DMD: variants seen among roughly 807,000 people sequenced by gnomAD.
DMD encodes the protein mutant dystrophin.
DMD carries 63 observed loss-of-function variants against 330.1 expected under a neutral mutation model. That is an observed-to-expected ratio of 0.19 (90% CI 0.16 to 0.24). DMD has a LOEUF of 0.24. Ranked by LOEUF, DMD falls within the 10% of genes least tolerant of loss-of-function variation. The probability of loss-of-function intolerance (pLI) is 1.00; values close to 1 mark genes in which losing one functional copy is unlikely to be tolerated. For missense variants in DMD, 3,344 were observed against 2,684.1 expected, an observed-to-expected ratio of 1.25 and a Z score of -5.43; for synonymous variants, 1,223 against 959.8, an observed-to-expected ratio of 1.27 and a Z score of -5.07.
At chrX:32,663,590 CA>C (rs1484924325) in intron 9 of DMD, among the ~76,000 whole-genome samples, 1 of 111,276 alleles carries the variant, frequency 9.0e-6, no homozygotes, top group Non-Finnish European at 1.9e-5. Context: ...GTTGCTTTAA[CA>C]AATATTTATT....
chrX:33,000,073 TA>T (rs1360707484), intron 2 of DMD, among the ~76,000 whole-genome samples: 2 of 112,470 alleles, frequency 1.8e-5, no homozygotes, highest in African/African-American at 6.5e-5. Flanking sequence ...CATATCAGTT[TA>T]TAAGCTAGAC....
Position 33,005,895 on chromosome X carries a change from G to A in DMD, c.93+14244C>T, listed in dbSNP as rs934908127. On this transcript the variant is annotated intron_variant, in intron 2 of 78. Transcript: ENST00000357033. ...ATAACCCTGGAAATAATAAGCAATT[G>A]TAGCAAAGTTGCAGGACACAAGATT... is the stretch of plus-strand genomic sequence containing the variant. 3.6e-5 allele frequency among the ~76,000 whole-genome samples: 4 copies of A among 111,269 alleles called. No homozygotes were observed. In the South Asian group the frequency reaches 1.1e-3, roughly 31 times the overall value.
At chrX:31,646,728 C>T (rs942664988) in intron 54 of DMD, among the ~76,000 whole-genome samples, 1 of 112,065 alleles carries the variant, frequency 8.9e-6, no homozygotes, top group Non-Finnish European at 1.9e-5. Flanking sequence ...ACCATTAACT[C>T]TCTAGTATTG....
intron 48 of DMD, 49 bp from the exon 49 acceptor site, chrX:31,836,868 A>G: frequency 9.5e-7 from 1 of 1,047,421 alleles, no homozygotes; most frequent in Non-Finnish European, 1.3e-6. Flanking sequence ...AGTTAGCAAT[A>G]AAATTACTAA....
chrX:32,239,398 A>AG, intron 43 of DMD, among the ~76,000 whole-genome samples: 1 of 111,897 alleles, frequency 8.9e-6, no homozygotes, highest in South Asian at 3.7e-4. Flanking sequence ...AGCAAAATCG[A>AG]GGGGAAAGTA....
intron 68 of DMD, among the ~76,000 whole-genome samples, chrX:31,182,420 C>T (rs2041254407): frequency 8.9e-6 from 1 of 111,779 alleles, no homozygotes; most frequent in African/African-American, 3.3e-5. Flanking sequence ...TGTTTTGGTT[C>T]CAGGAAGGAG....
chrX:31,342,428 C>T (rs1006954155), intron 61 of DMD, among the ~76,000 whole-genome samples: 1 of 111,725 alleles, frequency 9.0e-6, no homozygotes, highest in South Asian at 3.8e-4. Flanking sequence ...CTATAGACTC[C>T]TTATCCTCTT....
chrX:31,177,299 A>G (rs1011365988), intron 71 of DMD, among the ~76,000 whole-genome samples: 3 of 111,836 alleles, frequency 2.7e-5, no homozygotes, highest in African/African-American at 9.7e-5. Flanking sequence ...GAGCAAATGT[A>G]TAATTGTTTA....
intron 1 of DMD, among the ~76,000 whole-genome samples, chrX:33,115,271 T>C (rs1233167365): frequency 8.9e-6 from 1 of 111,813 alleles, no homozygotes; most frequent in Non-Finnish European, 1.9e-5. Context: ...CCACATATAT[T>C]TCATTTCTTC....
chrX:33,008,828 G>GTA (rs374687649), intron 2 of DMD, among the ~76,000 whole-genome samples: 1 of 37,230 alleles, frequency 2.7e-5, no homozygotes, highest in African/African-American at 8.2e-5. Context: ...AAATGTATAC[G>GTA]TATATATATA....
At chrX:32,041,123 G>C (rs1305686608) in intron 44 of DMD, among the ~76,000 whole-genome samples, 1 of 111,984 alleles carries the variant, frequency 8.9e-6, no homozygotes, top group African/African-American at 3.2e-5. Flanking sequence ...CCATTCAAAA[G>C]AATGGCTAAG....
chrX:31,571,253 G>GT (rs1338140381), intron 55 of DMD, among the ~76,000 whole-genome samples: 2,714 of 75,154 alleles, frequency 0.036, 102 homozygotes, highest in African/African-American at 0.14. Context: ...AGATTTAAAG[G>GT]GGTGTGTGTG....
At chrX:33,141,276 G>A (rs747506233) in intron 1 of DMD, among the ~76,000 whole-genome samples, 8 of 111,216 alleles carry the variant, frequency 7.2e-5, no homozygotes, top group African/African-American at 2.6e-4. Context: ...GGTTGCCAGC[G>A]TGATTTCTTC....
At chrX:32,362,730 G>A (rs1206375561) in intron 37 of DMD, 58 bp downstream of exon 37, 16 of 1,175,059 alleles carry the variant, frequency 1.4e-5, no homozygotes, top group Middle Eastern at 2.3e-4. Flanking sequence ...AGAGTACTGC[G>A]CAACCTTCGC....
In DMD at chrX:32,976,190, C is replaced by T. The variant is rs992690801; in HGVS notation, c.93+43949G>A. Among the ~76,000 whole-genome samples the T allele has an allele frequency of 3.0e-5, 3 of 99,913 alleles. No homozygotes were observed. The East Asian group carries it at 9.6e-4, about 32-fold the overall frequency. 86.8% of individuals were successfully genotyped at this position (99,913 alleles called of 115,157 possible). ...GAATTGAGATCGCGCCTCTGCACTC[C>T]AGCTTTGGTAATAGAACGAGACTCG... On this transcript the variant is annotated intron_variant, in intron 2 of 78. Coordinates refer to ENST00000357033, the MANE Select transcript of DMD (RefSeq NM_004006.3).
intron 11 of DMD, among the ~76,000 whole-genome samples, chrX:32,620,616 A>T (rs1456092500): frequency 8.9e-6 from 1 of 112,169 alleles, no homozygotes; most frequent in Non-Finnish European, 1.9e-5. Flanking sequence ...AAAAACTGAA[A>T]GTTGCTAGTA....
chrX:32,094,697 T>C (rs1318715198), intron 44 of DMD, among the ~76,000 whole-genome samples: 3 of 110,635 alleles, frequency 2.7e-5, no homozygotes, highest in African/African-American at 6.7e-5. Context: ...TAATTATTGG[T>C]TATCTATTAT....
intron 1 of DMD, among the ~76,000 whole-genome samples, chrX:33,334,518 G>T (rs1218271624): frequency 9.0e-6 from 1 of 111,352 alleles, no homozygotes; most frequent in Non-Finnish European, 1.9e-5. Flanking sequence ...CTGTGTTTTA[G>T]CATGAAAGGA....
intron 2 of DMD, among the ~76,000 whole-genome samples, chrX:32,968,411 C>T (rs375186623): frequency 1.3e-4 from 14 of 111,453 alleles, no homozygotes; most frequent in African/African-American, 4.6e-4. Flanking sequence ...TTGCTTCAGC[C>T]CAAGGGGTCA....
Sources: gnomAD v4.1 joint callset for allele counts (sites outside exome capture counted in the v4.1 genomes callset) on GRCh38, gnomAD v4.1.1 for gene constraint, MANE v1.5 for transcripts, NCBI Gene and HGNC (gene_info 2026-07-23, HGNC 2026-07-21) for gene names.